Variants in THAP6 observed in about 807,000 individuals in gnomAD.
THAP6 encodes THAP domain-containing protein 6.
A neutral mutation model predicts 20.0 loss-of-function variants in THAP6; 13 were observed. That is an observed-to-expected ratio of 0.65 (90% CI 0.42 to 1.03). THAP6 has a LOEUF of 1.03. THAP6 is among the 50% of genes least tolerant of loss of function. THAP6 has a pLI of 0.00. For missense variants in THAP6, 262 were observed against 261.6 expected, an observed-to-expected ratio of 1.00 and a Z score of -0.01; for synonymous variants, 93 against 92.2, an observed-to-expected ratio of 1.01 and a Z score of -0.05.
Position 75,516,976 on chromosome 4 carries a change from A to G in THAP6, c.285A>G (p.Leu95=), listed in dbSNP as rs368137697. 31 of 1,603,482 alleles carry G rather than the reference A, an allele frequency of 1.9e-5. No individual in the cohort carries two copies. Among genetic ancestry groups the G allele is most frequent in the Non-Finnish European group, 4.3e-6 (5 of 1,172,138 alleles). Residue 95 remains leucine (L), a synonymous_variant, in exon 3 of 5, where the codon CTA becomes CTG. Transcript: ENST00000311638. Reference sequence around the variant, plus strand: ...CTATCTTTGATTCTCCATATCACCTACAGGTTTGTTTATGAGATACTGTTT... The same window carrying G: ...CTATCTTTGATTCTCCATATCACCTGCAGGTTTGTTTATGAGATACTGTTT... The part of the protein sequence containing the change: ...IPSIFDSPYH[L]QGKREKLHCR...
chr4:75,514,033 C>G (rs1725257016), upstream of THAP6: 1 of 1,130,466 alleles, frequency 8.8e-7, no homozygotes, highest in East Asian at 2.6e-5. Context: ...GGCTTATCGC[C>G]TTGCCAAAAA....
intron 2 of THAP6, among the ~76,000 whole-genome samples, chr4:75,538,844 A>C (rs1726936442): frequency 6.6e-6 from 1 of 152,158 alleles, no homozygotes; most frequent in Admixed American, 6.5e-5. Context: ...GATTGAAACG[A>C]ATGAAGAAAA....
chr4:75,540,105 A>G (rs1200130561), intron 2 of THAP6: 1 of 976,026 alleles, frequency 1.0e-6, no homozygotes, highest in Non-Finnish European at 1.5e-6. Flanking sequence ...CATTTAATCT[A>G]TCTTAGATAT....
intron 2 of THAP6, among the ~76,000 whole-genome samples, chr4:75,537,405 C>A (rs996553792): frequency 2.6e-5 from 4 of 152,108 alleles, no homozygotes; most frequent in Non-Finnish European, 5.9e-5. Flanking sequence ...ATACTGTTCT[C>A]ATGGTAGTGA....
intron 2 of THAP6, 118 bp from the exon 3 acceptor site, chr4:75,516,653 TC>T: frequency 1.3e-6 from 1 of 794,500 alleles, no homozygotes; most frequent in East Asian, 2.7e-5. Context: ...ATATTATAAT[TC>T]TCAAGACTAA....
intron 2 of THAP6, among the ~76,000 whole-genome samples, chr4:75,541,301 A>G (rs1252514766): frequency 6.6e-6 from 1 of 152,154 alleles, no homozygotes; most frequent in African/African-American, 2.4e-5. Context: ...ATAAGCACCA[A>G]TTCAAAAAGA....
chr4:75,515,579 A>G (rs780774153), intron 2 of THAP6, 47 bp downstream of exon 2: 3 of 1,585,698 alleles, frequency 1.9e-6, no homozygotes, highest in Admixed American at 3.3e-5. Flanking sequence ...CATGTTATAA[A>G]AAGCAAAAGA....
rs1022967862 is a variant in THAP6 at position 75,514,478 on chromosome 4, C to T, written c.-63C>T. ...TACGAGGCGGAAGCGAAGGCAGACG[C>T]AGTCTCCGTCGTTGACGTTAGTCGC... On this transcript the variant is annotated 5_prime_UTR_variant, in exon 1 of 5. Transcript: ENST00000311638. The T allele has an allele frequency of 8.9e-6, 5 of 561,782 alleles. No individual in the cohort carries two copies. Among genetic ancestry groups the T allele is most frequent in the African/African-American group, 3.7e-5 (2 of 53,796 alleles). 34.8% of individuals were successfully genotyped at this position (561,782 alleles called of 1,614,324 possible).
chr4:75,517,251 C>G (rs531689782), intron 3 of THAP6: 12 of 285,800 alleles, frequency 4.2e-5, no homozygotes, highest in East Asian at 6.7e-5. Flanking sequence ...CTCCTGACCT[C>G]GTGATCCACC....
intron 2 of THAP6, among the ~76,000 whole-genome samples, chr4:75,535,964 A>G (rs1231771798): frequency 6.6e-6 from 1 of 152,220 alleles, no homozygotes; most frequent in Non-Finnish European, 1.5e-5. Context: ...TCTCAGATAC[A>G]GCCCCTTTCC....
Position 75,529,668 on chromosome 4 carries a change from C to CAAA in THAP6, c.*2454_*2455insAAA. 3 of 985,478 alleles carry CAAA rather than the reference C, an allele frequency of 3.0e-6. No homozygotes were observed. The South Asian group carries it at 1.4e-4, about 46-fold the overall frequency. The allele number at this position is 985,478 out of a possible 1,614,324, so 61.0% of individuals were successfully genotyped here. A position where few individuals can be genotyped will look rare whatever the true frequency, so the allele number is the denominator to read the frequency against. Reference sequence around the variant, plus strand: ...TGTGTAAAGCAAAACCCAAGTCATCCCCCTCCAGAAATTTCTCTGGCAGCC... The same window carrying CAAA: ...TGTGTAAAGCAAAACCCAAGTCATCCAAACCCTCCAGAAATTTCTCTGGCAGCC... On this transcript the variant is annotated 3_prime_UTR_variant, in exon 5 of 5. Transcript: ENST00000311638.
At chr4:75,521,131 A>T (rs1578264470) in intron 3 of THAP6, among the ~76,000 whole-genome samples, 3 of 147,378 alleles carry the variant, frequency 2.0e-5, no homozygotes, top group Admixed American at 2.0e-4. Flanking sequence ...GCATGGGTTT[A>T]TTTTTTTTTT....
chr4:75,546,425 A>G (rs1390494359), intron 3 of THAP6, among the ~76,000 whole-genome samples: 3 of 152,340 alleles, frequency 2.0e-5, no homozygotes, highest in African/African-American at 7.2e-5. Flanking sequence ...AGCACTGTCC[A>G]TGCCCCTTCA....
At chr4:75,539,803 C>A in intron 2 of THAP6, 1 of 1,534,600 alleles carries the variant, frequency 6.5e-7, no homozygotes, top group East Asian at 2.4e-5. Flanking sequence ...GTAGACCATA[C>A]AATGAGCCAT....
intron 3 of THAP6, among the ~76,000 whole-genome samples, chr4:75,545,353 C>T (rs1054352563): frequency 6.6e-6 from 1 of 152,172 alleles, no homozygotes; most frequent in Non-Finnish European, 1.5e-5. Context: ...GTTGCTAAAT[C>T]ACCAGGATGA....
chr4:75,530,883 G>T (rs570763251), downstream of THAP6, among the ~76,000 whole-genome samples: 2 of 152,294 alleles, frequency 1.3e-5, no homozygotes, highest in Admixed American at 6.5e-5. Flanking sequence ...TCTAAATTTT[G>T]CAGGGGACAG....
chr4:75,545,682 A>G (rs1255054761), intron 3 of THAP6, among the ~76,000 whole-genome samples: 6 of 152,142 alleles, frequency 3.9e-5, no homozygotes, highest in Admixed American at 3.9e-4. Context: ...GGCAGCCCAA[A>G]TAGCAGCTTC....
At chr4:75,514,291 T>G (rs1211633549), upstream of THAP6, 3 of 1,610,714 alleles carry the variant, frequency 1.9e-6, no homozygotes, top group South Asian at 1.1e-5. Context: ...CGCCATCTCC[T>G]CCACCTCCCC....
In THAP6 at chr4:75,516,951, C is replaced by G; in HGVS notation, c.260C>G (p.Ser87Cys). Residue 87 changes from serine (S) to cysteine (C), a missense_variant, in exon 3 of 5, where the codon TCT becomes TGT. Coordinates refer to ENST00000311638, the MANE Select transcript of THAP6 (RefSeq NM_144721.6). ...AAACTGAAACCTGGAGTCATACCTT[C>G]TATCTTTGATTCTCCATATCACCTA... is the stretch of plus-strand genomic sequence containing the variant. ...NIKLKPGVIP[S>C]IFDSPYHLQG... 6.2e-7 allele frequency: 1 copy of G among 1,610,332 alleles called. No homozygotes were observed.
Sources: gnomAD v4.1 joint callset for allele counts (sites outside exome capture counted in the v4.1 genomes callset) on GRCh38, gnomAD v4.1.1 for gene constraint, MANE v1.5 for transcripts, NCBI Gene and HGNC (gene_info 2026-07-23, HGNC 2026-07-21) for gene names.